GABRA2: variants seen among roughly 807,000 people sequenced by gnomAD.
GABRA2 encodes the protein gamma-aminobutyric acid receptor subunit alpha-2.
In GABRA2, 16 loss-of-function variants were observed where a neutral mutation model predicts 48.7. The observed-to-expected ratio is 0.33, with a 90% CI of 0.22 to 0.50. The LOEUF (loss-of-function observed/expected upper bound fraction) is 0.50, where lower values mean the gene tolerates loss of function less well. Ranked by LOEUF, GABRA2 falls within the 20% of genes least tolerant of loss-of-function variation. The pLI, the probability that GABRA2 is intolerant of heterozygous loss-of-function variation, is 0.98. For synonymous variants in GABRA2, 185 were observed against 184.5 expected (o/e 1.00, Z -0.02); for missense variants, 275 against 535.6 (o/e 0.51, Z 4.80).
At chr4:46,288,440 A>C (rs1490172353) in intron 8 of GABRA2, among the ~76,000 whole-genome samples, 1 of 152,190 alleles carries the variant, frequency 6.6e-6, no homozygotes, top group Non-Finnish European at 1.5e-5. Context: ...TCTTCGACAA[A>C]CCTGACAAAA....
At chr4:46,378,006 GGCCA>G (rs1219077300) in intron 3 of GABRA2, among the ~76,000 whole-genome samples, 20 of 149,530 alleles carry the variant, frequency 1.3e-4, no homozygotes, top group African/African-American at 4.9e-4. Flanking sequence ...CCCCCCGCCC[GGCCA>G]GCCGCCCCGT....
At chr4:46,371,729 A>G (rs1237883070) in intron 3 of GABRA2, among the ~76,000 whole-genome samples, 3 of 152,324 alleles carry the variant, frequency 2.0e-5, no homozygotes, top group East Asian at 1.9e-4. Context: ...TTGTAAAAGT[A>G]TAAGAAATAA....
In GABRA2 at chr4:46,292,745, G is replaced by C. The variant is rs149170812; in HGVS notation, c.856+10715C>G. Among the ~76,000 whole-genome samples, 66 of 152,294 alleles carry C rather than the reference G, an allele frequency of 4.3e-4. No individual in the cohort carries two copies. The East Asian group carries it at 0.011, about 25-fold the overall frequency. ...AGGAAGGGATCCAAAGGCTTAGGGAGATTGGGATGGTGGAGTGGATTACTC... is the reference window on the plus strand; with the variant it reads ...AGGAAGGGATCCAAAGGCTTAGGGACATTGGGATGGTGGAGTGGATTACTC... On this transcript the variant is annotated intron_variant, in intron 8 of 9. Coordinates refer to ENST00000381620, the MANE Select transcript of GABRA2 (RefSeq NM_000807.4).
rs1330902949 is a variant in GABRA2, at chr4:46,243,679, C to A, written c.*6629G>T. The A allele has an allele frequency of 6.6e-6, 1 of 151,274 alleles. No homozygotes were observed. Among genetic ancestry groups the A allele is most frequent in the Non-Finnish European group, 1.5e-5 (1 of 67,514 alleles). The allele number at this position is 151,274 out of a possible 1,614,324, so 9.4% of individuals were successfully genotyped here. On this transcript the variant is annotated 3_prime_UTR_variant, in exon 10 of 10. Transcript: ENST00000381620. ...TCATATGATCAACTAGTGGCCTTTCCCAATTACAACAAGGTCACAATTACA... is the reference window on the plus strand; with the variant it reads ...TCATATGATCAACTAGTGGCCTTTCACAATTACAACAAGGTCACAATTACA...
rs2109990629 is a variant in GABRA2 at position 46,368,937 on chromosome 4, T to C, written c.187+17137A>G. The C allele has an allele frequency of 7.2e-6, 5 of 695,278 alleles. No individual in the cohort carries two copies. In the East Asian group the frequency reaches 1.3e-4, roughly 19 times the overall value. 43.1% of individuals were successfully genotyped at this position (695,278 alleles called of 1,614,324 possible). A position where few individuals can be genotyped will look rare whatever the true frequency, so the allele number is the denominator to read the frequency against. On this transcript the variant is annotated intron_variant, in intron 3 of 9. Coordinates refer to ENST00000381620, the MANE Select transcript of GABRA2 (RefSeq NM_000807.4). ...TATTTGTTCTGCCCATGGAGAGCAT[T>C]TGAGTTTGGGTCCCTTTGTTCTGGC...
chr4:46,388,979 A>C (rs1717861415), intron 1 of GABRA2: 1 of 1,252,858 alleles, frequency 8.0e-7, no homozygotes, highest in South Asian at 2.2e-5. Context: ...AAGTAATCAG[A>C]CTTCTCTCTG....
At chr4:46,340,933 T>C in intron 3 of GABRA2, among the ~76,000 whole-genome samples, 1 of 151,970 alleles carries the variant, frequency 6.6e-6, no homozygotes. Flanking sequence ...CTTTTTTTTC[T>C]TATGTTCCTT....
chr4:46,288,944 C>T (rs1723067169), intron 8 of GABRA2, among the ~76,000 whole-genome samples: 1 of 151,572 alleles, frequency 6.6e-6, no homozygotes, highest in Non-Finnish European at 1.5e-5. Context: ...AGCCAACAAT[C>T]ATATGAAAAA....
At chr4:46,305,512 CTTTAACCTATTAATA>C (rs1726527472) in intron 7 of GABRA2, 41 bp downstream of exon 7, 1 of 1,532,992 alleles carries the variant, frequency 6.5e-7, no homozygotes, top group Non-Finnish European at 9.0e-7. Context: ...CTTCCAAGTC[CTTTAACCTATTAATA>C]TTCTTAGGCA....
chr4:46,295,452 A>G (rs949676182), intron 8 of GABRA2, among the ~76,000 whole-genome samples: 5 of 152,230 alleles, frequency 3.3e-5, no homozygotes, highest in African/African-American at 7.2e-5. Flanking sequence ...GTGCTCACCA[A>G]TGGGTGACCT....
intron 8 of GABRA2, among the ~76,000 whole-genome samples, chr4:46,271,922 G>A (rs773916809): frequency 4.0e-5 from 6 of 151,804 alleles, no homozygotes; most frequent in Non-Finnish European, 8.8e-5. Context: ...TGTACATGCT[G>A]TTTACTCTAC....
intron 3 of GABRA2, among the ~76,000 whole-genome samples, chr4:46,336,267 A>G (rs1394230870): frequency 3.3e-5 from 5 of 152,198 alleles, no homozygotes; most frequent in African/African-American, 1.2e-4. Context: ...AGTCATGAGG[A>G]AAAGATGCCC....
chr4:46,295,850 C>G (rs899773878), intron 8 of GABRA2, among the ~76,000 whole-genome samples: 2 of 152,186 alleles, frequency 1.3e-5, no homozygotes, highest in African/African-American at 4.8e-5. Context: ...CTATCCTGCA[C>G]GCAATGCTTC....
At chr4:46,379,227 G>A (rs1716418804) in intron 3 of GABRA2, among the ~76,000 whole-genome samples, 1 of 152,160 alleles carries the variant, frequency 6.6e-6, no homozygotes, top group African/African-American at 2.4e-5. Context: ...AACCTAGCAT[G>A]CACTGTGATG....
intron 1 of GABRA2, chr4:46,388,930 C>CT (rs1398981928): frequency 2.2e-5 from 19 of 881,278 alleles, no homozygotes; most frequent in Admixed American, 4.6e-5. Context: ...TTCTTTCTTT[C>CT]TTTTTTTCTT....
At chr4:46,262,723 C>A (rs1717226900) in intron 8 of GABRA2, among the ~76,000 whole-genome samples, 1 of 151,886 alleles carries the variant, frequency 6.6e-6, no homozygotes, top group Non-Finnish European at 1.5e-5. Context: ...GATGGTGAAA[C>A]CCCATCTCTA....
chr4:46,387,721 G>A (rs951295093), intron 2 of GABRA2, among the ~76,000 whole-genome samples: 28 of 152,216 alleles, frequency 1.8e-4, no homozygotes, highest in African/African-American at 5.1e-4. Flanking sequence ...GATAGATGGC[G>A]TCTCAATTCT....
Position 46,390,128 on chromosome 4 carries a change from T to A in GABRA2, c.-404A>T. ...CGGTGGCGGGCACGAGCCCCGCGCC[T>A]GGAGGAGGAGGAGTCAGGCCGGGTA... On this transcript the variant is annotated 5_prime_UTR_variant, in exon 1 of 10. Transcript: ENST00000381620. 1 of 940,972 alleles carries A rather than the reference T, an allele frequency of 1.1e-6. No individual in the cohort carries two copies. The highest frequency in any genetic ancestry group is 1.3e-6 in the Non-Finnish European group (1 of 795,240). 58.3% of individuals were successfully genotyped at this position (940,972 alleles called of 1,614,324 possible). A position where few individuals can be genotyped will look rare whatever the true frequency, so the allele number is the denominator to read the frequency against.
chr4:46,301,403 A>G (rs1254571387), intron 8 of GABRA2, among the ~76,000 whole-genome samples: 1 of 152,204 alleles, frequency 6.6e-6, no homozygotes, highest in Admixed American at 6.5e-5. Flanking sequence ...TTATGGTCCA[A>G]AACACCATAG....
Sources: allele counts gnomAD v4.1 joint callset (sites outside exome capture counted in the v4.1 genomes callset), GRCh38; gene constraint gnomAD v4.1.1; transcripts MANE v1.5; gene names NCBI Gene and HGNC (gene_info 2026-07-23, HGNC 2026-07-21).